DOT1L: variants seen among roughly 807,000 people sequenced by gnomAD.
The protein encoded by DOT1L is DOT1 like histone lysine methyltransferase, also known as histone-lysine N-methyltransferase, H3 lysine-79 specific.
In DOT1L, 33 loss-of-function variants were observed where a neutral mutation model predicts 153.3. That is an observed-to-expected ratio of 0.22 (90% CI 0.16 to 0.29). The LOEUF (loss-of-function observed/expected upper bound fraction) is 0.29. Ranked by LOEUF, DOT1L falls within the 10% of genes least tolerant of loss-of-function variation. The pLI, the probability that DOT1L is intolerant of heterozygous loss-of-function variation, is 1.00. For missense variants in DOT1L, 1,847 were observed against 2,119.9 expected, an observed-to-expected ratio of 0.87 and a Z score of 2.53; for synonymous variants, 1,135 against 965.1, an observed-to-expected ratio of 1.18 and a Z score of -3.26.
intron 22 of DOT1L, among the ~76,000 whole-genome samples, chr19:2,219,215 C>A (rs1443002543): frequency 2.0e-5 from 3 of 152,136 alleles, no homozygotes; most frequent in Non-Finnish European, 4.4e-5. Flanking sequence ...GCCCTGTTGG[C>A]CAGGGTGGTC....
intron 12 of DOT1L, among the ~76,000 whole-genome samples, chr19:2,209,803 G>A (rs1297640902): frequency 1.3e-5 from 2 of 152,216 alleles, no homozygotes; most frequent in African/African-American, 2.4e-5. Flanking sequence ...TTGTAGCCAG[G>A]GCTGGGCTCC....
intron 27 of DOT1L, chr19:2,228,243 C>G (rs551015813): frequency 7.3e-7 from 1 of 1,362,582 alleles, no homozygotes; most frequent in African/African-American, 1.5e-5. Context: ...CCAGGCCGCG[C>G]CCGGGATCCC....
chr19:2,226,937 G>T lies in DOT1L; in HGVS notation c.4416G>T (p.Pro1472=), dbSNP rs745342968. The part of the protein sequence containing the change: ...RSFLGPFPPG[P]QFALGPMSLQ... Reference sequence around the variant, plus strand: ...TCCTGGGCCCCTTCCCGCCGGGACCGCAGTTCGCGCTCGGCCCCATGTCCC... The same window carrying T: ...TCCTGGGCCCCTTCCCGCCGGGACCTCAGTTCGCGCTCGGCCCCATGTCCC... The change falls in exon 27 of 28, where the codon CCG becomes CCT. Residue 1472 remains proline, a synonymous_variant. Transcript: ENST00000398665. 3.8e-6 allele frequency: 6 copies of T among 1,582,570 alleles called. No individual in the cohort carries two copies. The highest frequency in any genetic ancestry group is 1.1e-5 in the South Asian group (1 of 88,944).
rs75728041 is a variant in DOT1L, at chr19:2,174,102, C to T, written c.82-6611C>T. Among the ~76,000 whole-genome samples, 901 of 152,316 alleles carry T rather than the reference C, an allele frequency of 5.9e-3. 6 individuals are homozygous for T. The highest frequency in any genetic ancestry group is 0.02 in the African/African-American group (839 of 41,578). ...CCTCCTAAAGTGCTAGCACTACAGGCGTGCACAGCTGTGCCCAGCCAGCTG... is the reference window on the plus strand; with the variant it reads ...CCTCCTAAAGTGCTAGCACTACAGGTGTGCACAGCTGTGCCCAGCCAGCTG... On this transcript the variant is annotated intron_variant, in intron 1 of 27. Coordinates refer to ENST00000398665, the MANE Select transcript of DOT1L (RefSeq NM_032482.3).
At chr19:2,167,555 G>A (rs1000113788) in intron 1 of DOT1L, among the ~76,000 whole-genome samples, 3 of 152,184 alleles carry the variant, frequency 2.0e-5, no homozygotes, top group South Asian at 2.1e-4. Flanking sequence ...TCCTGGCGCC[G>A]TCTACGGCCT....
chr19:2,206,442 C>G (rs2023497717), intron 9 of DOT1L, among the ~76,000 whole-genome samples: 1 of 146,396 alleles, frequency 6.8e-6, no homozygotes, highest in Non-Finnish European at 1.5e-5. Flanking sequence ...CCTGTAATCA[C>G]AGCTACTCGC....
chr19:2,226,847 C>A lies in DOT1L; in HGVS notation c.4326C>A (p.Pro1442=). The A allele has an allele frequency of 6.3e-7, 1 of 1,579,570 alleles. No individual in the cohort carries two copies. The highest frequency in any genetic ancestry group is 8.5e-7 in the Non-Finnish European group (1 of 1,171,332). The part of the protein sequence containing the change: ...AVPPGSLLSG[P]GLAPAASSAG... The stretch of plus-strand genomic sequence containing the variant: ...CTCCCGGAAGCCTCCTCAGCGGCCC[C>A]GGCCTGGCCCCGGCGGCGTCCTCCG... Residue 1442 remains proline (P), a synonymous_variant, in exon 27 of 28, where the codon CCC becomes CCA. Coordinates refer to ENST00000398665, the MANE Select transcript of DOT1L (RefSeq NM_032482.3).
At chr19:2,216,925 C>T (rs2023928163) in intron 20 of DOT1L, 30 bp from the exon 21 acceptor site, 1 of 1,593,930 alleles carries the variant, frequency 6.3e-7, no homozygotes, top group South Asian at 1.1e-5. Context: ...GCCCACGGCC[C>T]TCGAGAGTGA....
chr19:2,189,850 C>T (rs1410135553), intron 4 of DOT1L, 55 bp downstream of exon 4: 2 of 1,585,402 alleles, frequency 1.3e-6, no homozygotes, highest in South Asian at 1.1e-5. Context: ...TCCCGGACCC[C>T]TCCAGACCCC....
At chr19:2,201,139 GCATTCCTCGTCCTCCCCT>G (rs1568348466) in intron 8 of DOT1L, among the ~76,000 whole-genome samples, 22 of 41,140 alleles carry the variant, frequency 5.3e-4, no homozygotes, top group African/African-American at 8.2e-4. Context: ...CGTCCTCCCC[GCATTCCTCGTCCTCCCCT>G]CATTCCTCGT....
chr19:2,203,629 C>T (rs554560844), intron 9 of DOT1L, among the ~76,000 whole-genome samples: 3 of 152,318 alleles, frequency 2.0e-5, no homozygotes, highest in Non-Finnish European at 4.4e-5. Flanking sequence ...GTTTCAGGAG[C>T]GGAGAACTCA....
chr19:2,224,335 C>T (rs1468119551), intron 25 of DOT1L, among the ~76,000 whole-genome samples: 7 of 152,354 alleles, frequency 4.6e-5, no homozygotes, highest in African/African-American at 1.7e-4. Context: ...CACCATTCCA[C>T]CCTGCCACCA....
chr19:2,193,885 G>T lies in DOT1L; in HGVS notation c.588+102G>T. 3.9e-6 allele frequency: 5 copies of T among 1,266,986 alleles called. No individual in the cohort carries two copies. The highest frequency in any genetic ancestry group is 5.5e-6 in the Non-Finnish European group (5 of 909,824). The allele number at this position is 1,266,986 out of a possible 1,614,324, so 78.5% of individuals were successfully genotyped here. A position where few individuals can be genotyped will look rare whatever the true frequency, so the allele number is the denominator to read the frequency against. ...CCACTGCTGTGGGACTTCCGAGTCT[G>T]GGTGGCGTTCTTTCCAGGCCCAAGA... On this transcript the variant is annotated intron_variant, in intron 6 of 27. Coordinates refer to ENST00000398665, the MANE Select transcript of DOT1L (RefSeq NM_032482.3). The surrounding 1 kb of genome is among the most constrained non-coding windows in gnomAD (Gnocchi z 5.9).
chr19:2,177,725 G>T (rs113897223), intron 1 of DOT1L, among the ~76,000 whole-genome samples: 1 of 151,474 alleles, frequency 6.6e-6, no homozygotes, highest in Non-Finnish European at 1.5e-5. Context: ...CCTGCTCTCC[G>T]CTCTGCCCAG....
In DOT1L at chr19:2,189,717, C is replaced by T. The variant is rs753779025; in HGVS notation, c.201-15C>T. On this transcript the variant is annotated splice_polypyrimidine_tract_variant and intron_variant, in intron 3 of 27. Transcript: ENST00000398665. ...TCCTGCCCGCATGACCAGGGCCTTCCCTTGCCTTTTTCAGCTTCGAGAGCA... is the reference window on the plus strand; with the variant it reads ...TCCTGCCCGCATGACCAGGGCCTTCTCTTGCCTTTTTCAGCTTCGAGAGCA... 1.2e-6 allele frequency: 2 copies of T among 1,609,578 alleles called. No homozygotes were observed. The highest frequency in any genetic ancestry group is 1.3e-5 in the African/African-American group (1 of 75,064).
intron 2 of DOT1L, among the ~76,000 whole-genome samples, chr19:2,181,298 C>A (rs573670292): frequency 6.6e-6 from 1 of 152,326 alleles, no homozygotes; most frequent in Admixed American, 6.5e-5. Flanking sequence ...TCAGAACCCT[C>A]ATTGTGTGGC....
rs750554933 is a variant in DOT1L at position 2,216,295 on chromosome 19, G to A, written c.1938G>A (p.Glu646=). 185 of 1,582,654 alleles carry A rather than the reference G, an allele frequency of 1.2e-4. No homozygotes were observed. The highest frequency in any genetic ancestry group is 1.6e-4 in the Non-Finnish European group (181 of 1,160,288). Residue 646 remains glutamate (E), a synonymous_variant, in exon 20 of 28, where the codon GAG becomes GAA. Coordinates refer to ENST00000398665, the MANE Select transcript of DOT1L (RefSeq NM_032482.3). ...TCCTCCTGCAGATCAGCATTGTGGA[G>A]CTAGAGAAGAGCCAGCGGCAGCAGG... ...HCLELQISIV[E]LEKSQRQQEL...
chr19:2,229,679 G>A (rs1298646927), intron 27 of DOT1L, 106 bp from the exon 28 acceptor site: 1 of 1,603,416 alleles, frequency 6.2e-7, no homozygotes, highest in Non-Finnish European at 8.5e-7. Context: ...GCCCCAGGTG[G>A]CGTGTGTGCT....
At position 2,216,905 on chromosome 19, in the gene DOT1L, C is replaced by CT. The variant is rs1465765267; in HGVS notation, c.2409-49dup. Reference sequence around the variant, plus strand: ...GAGGTGCTGGGCCAGGCCGCTGCCTCTGAGTGCCAGCCCACGGCCCTCGAG... The same window carrying CT: ...GAGGTGCTGGGCCAGGCCGCTGCCTCTTGAGTGCCAGCCCACGGCCCTCGAG... On this transcript the variant is annotated intron_variant, in intron 20 of 27. Coordinates refer to ENST00000398665, the MANE Select transcript of DOT1L (RefSeq NM_032482.3). 6.3e-6 allele frequency: 10 copies of CT among 1,579,608 alleles called. No homozygotes were observed. The African/African-American group carries it at 1.2e-4, about 19-fold the overall frequency.
Sources: allele counts gnomAD v4.1 joint callset (sites outside exome capture counted in the v4.1 genomes callset), GRCh38; gene constraint gnomAD v4.1.1; non-coding constraint Gnocchi (gnomAD v3.1); transcripts MANE v1.5; gene names NCBI Gene and HGNC (gene_info 2026-07-23, HGNC 2026-07-21).